The following KANK1 variants were observed in gnomAD, a reference collection of about 807,000 sequenced individuals.
KANK1 encodes KN motif and ankyrin repeat domains 1, also known as KN motif and ankyrin repeat domain-containing protein 1.
In KANK1, 109 loss-of-function variants were observed where a neutral mutation model predicts 106.2. The observed-to-expected ratio is 1.03, with a 90% CI of 0.88 to 1.20. The LOEUF (loss-of-function observed/expected upper bound fraction) is 1.20. Among genes scored for constraint, KANK1 ranks in the 50% most tolerant of loss-of-function variants. The probability of loss-of-function intolerance (pLI) is 0.00; values close to 1 mark genes in which losing one functional copy is unlikely to be tolerated. For synonymous variants in KANK1, 873 were observed against 652.2 expected (o/e 1.34, Z -5.16); for missense variants, 2,399 against 1,710.7 (o/e 1.40, Z -7.10).
chr9:531,316 A>G (rs1197296347), intron 1 of KANK1, among the ~76,000 whole-genome samples: 1 of 152,128 alleles, frequency 6.6e-6, no homozygotes, highest in Non-Finnish European at 1.5e-5. Context: ...CTATAGTCCC[A>G]GCTACTGAGG....
chr9:606,167 AC>A (rs1465130202), intron 1 of KANK1, among the ~76,000 whole-genome samples: 2 of 151,032 alleles, frequency 1.3e-5, no homozygotes, highest in African/African-American at 4.9e-5. Flanking sequence ...ACACACACAC[AC>A]ACACACACAC....
rs186426517 is a variant in KANK1, at chr9:667,631, T to C, written c.-83-9259T>C. On this transcript the variant is annotated intron_variant, in intron 1 of 11. Coordinates refer to ENST00000382297, the MANE Select transcript of KANK1 (RefSeq NM_015158.5). ...TTTGGATATGTTGTGTTTCTATTTTTATTTGTTTTGAGAAATTTTTAAATG... is the reference window on the plus strand; with the variant it reads ...TTTGGATATGTTGTGTTTCTATTTTCATTTGTTTTGAGAAATTTTTAAATG... Among the ~76,000 whole-genome samples, 230 of 152,246 alleles carry C rather than the reference T, an allele frequency of 1.5e-3. 2 individuals are homozygous for C. The highest frequency in any genetic ancestry group is 0.015 in the Admixed American group (225 of 15,288).
chr9:624,394 A>G (rs1290054103), intron 1 of KANK1, among the ~76,000 whole-genome samples: 1 of 152,166 alleles, frequency 6.6e-6, no homozygotes, highest in Admixed American at 6.5e-5. Flanking sequence ...TCAATATGCA[A>G]TCTATATTTA....
chr9:637,100 C>T (rs1837327393), intron 1 of KANK1, among the ~76,000 whole-genome samples: 1 of 152,124 alleles, frequency 6.6e-6, no homozygotes, highest in Admixed American at 6.5e-5. Flanking sequence ...TCCACTCCTC[C>T]AACAACTCCT....
intron 1 of KANK1, among the ~76,000 whole-genome samples, chr9:521,993 C>T (rs2059575634): frequency 1.3e-5 from 2 of 151,498 alleles, no homozygotes; most frequent in South Asian, 4.2e-4. Context: ...TCTCAGTGGC[C>T]CTTTTTTGGA....
intron 1 of KANK1, among the ~76,000 whole-genome samples, chr9:554,349 G>C (rs563880179): frequency 1.3e-5 from 2 of 152,328 alleles, no homozygotes; most frequent in South Asian, 4.1e-4. Context: ...CAAGCAGAGA[G>C]CAAGTATTTG....
At chr9:622,678 C>G (rs896644237) in intron 1 of KANK1, among the ~76,000 whole-genome samples, 3 of 151,878 alleles carry the variant, frequency 2.0e-5, no homozygotes, top group Admixed American at 6.6e-5. Flanking sequence ...CTGAGGCTGG[C>G]GGATCACAAG....
At chr9:670,498 A>G (rs1052019227) in intron 1 of KANK1, among the ~76,000 whole-genome samples, 5 of 152,124 alleles carry the variant, frequency 3.3e-5, no homozygotes, top group Admixed American at 2.6e-4. Context: ...GGATCAGAGG[A>G]TTGCCTGGCT....
At chr9:553,737 G>T (rs1369556063) in intron 1 of KANK1, among the ~76,000 whole-genome samples, 1 of 152,052 alleles carries the variant, frequency 6.6e-6, no homozygotes, top group African/African-American at 2.4e-5. Flanking sequence ...CTGAACTTTG[G>T]TAAATTCAAA....
Position 730,312 on chromosome 9 carries a change from A to T in KANK1, c.2896+64A>T, listed in dbSNP as rs759800062. 6 of 1,461,464 alleles carry T rather than the reference A, an allele frequency of 4.1e-6. No homozygotes were observed. The South Asian group carries it at 6.8e-5, about 17-fold the overall frequency. The allele number at this position is 1,461,464 out of a possible 1,614,324, so 90.5% of individuals were successfully genotyped here. On this transcript the variant is annotated intron_variant, in intron 4 of 11. Coordinates refer to ENST00000382297, the MANE Select transcript of KANK1 (RefSeq NM_015158.5). ...TAGGGCCAGCATTGCCAGCATTCCA[A>T]TTTAATGTCAATGTACCTTTTAAAT... is the stretch of plus-strand genomic sequence containing the variant.
chr9:564,810 C>G (rs980153510), intron 1 of KANK1, among the ~76,000 whole-genome samples: 1 of 152,220 alleles, frequency 6.6e-6, no homozygotes. Context: ...TGACTCAGTT[C>G]ACCTTATCAT....
At chr9:526,300 G>A (rs1352361556) in intron 1 of KANK1, among the ~76,000 whole-genome samples, 4 of 151,766 alleles carry the variant, frequency 2.6e-5, no homozygotes, top group African/African-American at 9.7e-5. Context: ...ACCAGCAGCA[G>A]TAGACCTAGA....
In KANK1 at chr9:499,095, A is replaced by G. The variant is rs376362187; in HGVS notation, c.-362+25822A>G. ...CGGGAGGCTGAGGCAGGAGAATGGCATGAACCTGGGAGGCGGAGCTTGCAG... is the reference window on the plus strand; with the variant it reads ...CGGGAGGCTGAGGCAGGAGAATGGCGTGAACCTGGGAGGCGGAGCTTGCAG... On this transcript the variant is annotated intron_variant, in intron 3 of 15. Coordinates refer to the KANK1 transcript ENST00000382303. Among the ~76,000 whole-genome samples, 105 of 151,684 alleles carry G rather than the reference A, an allele frequency of 6.9e-4. 2 individuals carry two copies. The South Asian group carries it at 0.021, about 30-fold the overall frequency.
intron 1 of KANK1, among the ~76,000 whole-genome samples, chr9:569,865 G>C (rs1041623163): frequency 4.0e-5 from 6 of 151,058 alleles, no homozygotes; most frequent in African/African-American, 1.5e-4. Context: ...GTTCACTTAT[G>C]TTAATTATTT....
intron 2 of KANK1, chr9:707,061 C>T (rs982081709): frequency 1.4e-5 from 14 of 985,414 alleles, no homozygotes; most frequent in Non-Finnish European, 1.6e-5. Context: ...TCACTGCAGC[C>T]GGAGGGAGAC....
chr9:680,724 A>G (rs1352405476), intron 2 of KANK1: 1 of 152,158 alleles, frequency 6.6e-6, no homozygotes, highest in African/African-American at 2.4e-5. Flanking sequence ...GCACGTGTTC[A>G]TCGTTTATCT....
At chr9:701,663 G>A (rs939504935) in intron 2 of KANK1, among the ~76,000 whole-genome samples, 1 of 151,982 alleles carries the variant, frequency 6.6e-6, no homozygotes, top group East Asian at 1.9e-4. Flanking sequence ...GTCCCTTCGC[G>A]GGGGCAAAAT....
intron 2 of KANK1, among the ~76,000 whole-genome samples, chr9:698,837 A>G (rs576532168): frequency 6.6e-6 from 1 of 152,192 alleles, no homozygotes; most frequent in Non-Finnish European, 1.5e-5. Flanking sequence ...GAGAATTTTA[A>G]TCTCCAGCAT....
intron 1 of KANK1, chr9:547,448 A>G (rs2061000664): frequency 6.6e-6 from 1 of 151,882 alleles, no homozygotes; most frequent in Non-Finnish European, 1.5e-5. Flanking sequence ...CTTGAGTATT[A>G]AGATTTGGCA....
Sources: gnomAD v4.1 joint callset for allele counts (sites outside exome capture counted in the v4.1 genomes callset) on GRCh38, gnomAD v4.1.1 for gene constraint, MANE v1.5 for transcripts, NCBI Gene and HGNC (gene_info 2026-07-23, HGNC 2026-07-21) for gene names.